The following AOPEP variants were observed in gnomAD, a reference collection of about 807,000 sequenced individuals.
AOPEP encodes aminopeptidase O (putative).
In AOPEP, 77 loss-of-function variants were observed where a neutral mutation model predicts 98.1. That is an observed-to-expected ratio of 0.78 (90% CI 0.65 to 0.95). AOPEP has a LOEUF of 0.95. Ranked by LOEUF, AOPEP falls within the 40% of genes least tolerant of loss-of-function variation. AOPEP has a pLI of 0.00. For missense variants in AOPEP, 1,024 were observed against 1,024.7 expected, an observed-to-expected ratio of 1.00 and a Z score of 0.01; for synonymous variants, 346 against 365.3, an observed-to-expected ratio of 0.95 and a Z score of 0.60.
chr9:94,942,614 G>C (rs1289927757), intron 7 of AOPEP, among the ~76,000 whole-genome samples: 1 of 152,120 alleles, frequency 6.6e-6, no homozygotes, highest in East Asian at 1.9e-4. Flanking sequence ...ATCCAGATTG[G>C]AAAGGAAGAA....
At chr9:94,953,751 G>A (rs1028801785) in intron 7 of AOPEP, among the ~76,000 whole-genome samples, 2 of 151,966 alleles carry the variant, frequency 1.3e-5, no homozygotes, top group Non-Finnish European at 2.9e-5. Context: ...CAACCCTCTC[G>A]TGGTTCCTTG....
chr9:94,945,076 G>A (rs762488376), intron 7 of AOPEP, among the ~76,000 whole-genome samples: 1 of 152,232 alleles, frequency 6.6e-6, no homozygotes, highest in East Asian at 1.9e-4. Flanking sequence ...TGAGACCCAC[G>A]GGGCCATTTC....
chr9:94,894,142 C>A (rs1463506062), intron 5 of AOPEP, among the ~76,000 whole-genome samples: 5 of 152,056 alleles, frequency 3.3e-5, no homozygotes, highest in African/African-American at 9.7e-5. Context: ...AATGTATAGT[C>A]TAACATCACT....
At chr9:95,082,760 A>G (rs1479198181) in intron 16 of AOPEP, 41 bp downstream of exon 16, 1 of 1,606,872 alleles carries the variant, frequency 6.2e-7, no homozygotes, top group South Asian at 1.1e-5. Context: ...AGTTCTAACC[A>G]GATACTCCTT....
intron 4 of AOPEP, among the ~76,000 whole-genome samples, chr9:94,799,946 A>C (rs1339437926): frequency 4.6e-5 from 7 of 152,126 alleles, no homozygotes; most frequent in Admixed American, 4.6e-4. Flanking sequence ...CAGGTGAAAA[A>C]ATGGAGTACT....
In AOPEP at chr9:95,003,710, TATA is replaced by T. The variant is rs768800224; in HGVS notation, c.1978-1443_1978-1441del. ...TGGCTGTACAGTCTATACTAAAAGATATAATAACACATTGAAAAATCTCTAGCA... is the reference window on the plus strand; with the variant it reads ...TGGCTGTACAGTCTATACTAAAAGATATAACACATTGAAAAATCTCTAGCA... On this transcript the variant is annotated intron_variant, in intron 11 of 16. Coordinates refer to ENST00000375315, the MANE Select transcript of AOPEP (RefSeq NM_001193329.3). Among the ~76,000 whole-genome samples the T allele has an allele frequency of 5.9e-5, 9 of 152,294 alleles. No homozygotes were observed. In the East Asian group the frequency reaches 9.7e-4, roughly 16 times the overall value.
In AOPEP at chr9:94,759,936, C is replaced by G; in HGVS notation, c.153C>G (p.Asn51Lys). ...GTIVLFLEDG[N>K]RFKKQNSSIE... ...TAGTGCTTTTCCTCGAGGATGGAAA[C>G]AGATTCAAGAAACAGAATAGCTCTA... The change falls in exon 2 of 17, where the codon AAC (asparagine) becomes AAG (lysine). Residue 51 changes from asparagine (N) to lysine (K), a missense_variant. This residue lies in a region of AOPEP where 440 missense variants were observed against 433.8 expected (regional missense o/e 1.01). Transcript: ENST00000375315. The G allele has an allele frequency of 6.2e-7, 1 of 1,614,092 alleles. No individual in the cohort carries two copies. Among genetic ancestry groups the G allele is most frequent in the Non-Finnish European group, 8.5e-7 (1 of 1,180,020 alleles).
chr9:94,825,893 C>T (rs987516579), intron 5 of AOPEP, among the ~76,000 whole-genome samples: 31 of 152,122 alleles, frequency 2.0e-4, no homozygotes, highest in Non-Finnish European at 4.3e-4. Flanking sequence ...ATAACCTTTA[C>T]GTTTTAAAAA....
At chr9:95,110,900 GCT>G in the AOPEP span, 6 of 1,284,548 alleles carry the variant, frequency 4.7e-6, no homozygotes, top group Non-Finnish European at 5.9e-6. Flanking sequence ...ATACTTAGCT[GCT>G]CTGTTATTTA....
At chr9:94,935,666 C>T (rs976447818) in intron 7 of AOPEP, among the ~76,000 whole-genome samples, 3 of 152,180 alleles carry the variant, frequency 2.0e-5, no homozygotes, top group Non-Finnish European at 4.4e-5. Flanking sequence ...CACCCTCTGA[C>T]GAAGAGTCGC....
chr9:95,016,080 G>A lies in AOPEP; in HGVS notation c.2115+10464G>A, dbSNP rs993526700. Among the ~76,000 whole-genome samples the A allele has an allele frequency of 2.0e-5, 3 of 151,394 alleles. No homozygotes were observed. The East Asian group carries it at 5.8e-4, about 29-fold the overall frequency. Reference sequence around the variant, plus strand: ...GCAAGTTTAGGCTACCTCTGAACTTGGTTCAGTCTATTTTACTCTCACTCT... The same window carrying A: ...GCAAGTTTAGGCTACCTCTGAACTTAGTTCAGTCTATTTTACTCTCACTCT... On this transcript the variant is annotated intron_variant, in intron 13 of 16. Coordinates refer to ENST00000375315, the MANE Select transcript of AOPEP (RefSeq NM_001193329.3).
chr9:95,047,313 A>G (rs2065939154), intron 13 of AOPEP, among the ~76,000 whole-genome samples: 1 of 152,030 alleles, frequency 6.6e-6, no homozygotes, highest in Non-Finnish European at 1.5e-5. Context: ...TCATTGCCTG[A>G]TTTTTTTTAA....
intron 1 of AOPEP, among the ~76,000 whole-genome samples, chr9:94,755,841 C>G (rs990799452): frequency 6.6e-6 from 1 of 152,226 alleles, no homozygotes; most frequent in African/African-American, 2.4e-5. Flanking sequence ...CTGGGACCCA[C>G]TGTCTTCATT....
intron 3 of AOPEP, among the ~76,000 whole-genome samples, chr9:94,788,000 C>T (rs1844808749): frequency 6.6e-6 from 1 of 152,120 alleles, no homozygotes. Flanking sequence ...CATACACAAG[C>T]CCCCTTCCTA....
intron 13 of AOPEP, among the ~76,000 whole-genome samples, chr9:95,052,125 TA>T (rs2066431238): frequency 6.6e-6 from 1 of 152,258 alleles, no homozygotes; most frequent in Admixed American, 6.5e-5. Flanking sequence ...TAAATTCTTT[TA>T]AATCACCAGA....
At chr9:95,052,661 A>G (rs945240160) in intron 13 of AOPEP, among the ~76,000 whole-genome samples, 1 of 152,250 alleles carries the variant, frequency 6.6e-6, no homozygotes, top group Non-Finnish European at 1.5e-5. Context: ...TTTGTAATGA[A>G]TAATCCTACA....
intron 5 of AOPEP, among the ~76,000 whole-genome samples, chr9:94,862,620 C>T (rs1306672235): frequency 3.3e-5 from 5 of 152,224 alleles, no homozygotes; most frequent in South Asian, 2.1e-4. Context: ...TCCTGCAAGG[C>T]CCACCTTAAG....
intron 4 of AOPEP, among the ~76,000 whole-genome samples, chr9:94,800,484 C>T (rs1023437200): frequency 6.6e-6 from 1 of 152,146 alleles, no homozygotes; most frequent in African/African-American, 2.4e-5. Flanking sequence ...GAGGTCCCCC[C>T]ACAACAAAGT....
At chr9:94,950,046 C>T (rs1181844206) in intron 7 of AOPEP, among the ~76,000 whole-genome samples, 1 of 152,192 alleles carries the variant, frequency 6.6e-6, no homozygotes, top group South Asian at 2.1e-4. Context: ...AGAGTATAGG[C>T]TACATTTGTG....
Sources: allele counts gnomAD v4.1 joint callset (sites outside exome capture counted in the v4.1 genomes callset), GRCh38; gene constraint gnomAD v4.1.1; regional missense constraint gnomAD v4.1.1; transcripts MANE v1.5; gene names NCBI Gene and HGNC (gene_info 2026-07-23, HGNC 2026-07-21).